GRID2: variants seen among roughly 807,000 people sequenced by gnomAD.
GRID2 encodes the protein glutamate ionotropic receptor delta type subunit 2, also known as glutamate receptor ionotropic, delta-2.
In GRID2, 33 loss-of-function variants were observed where a neutral mutation model predicts 114.8. The ratio of observed to expected loss-of-function variants is 0.29; its 90% confidence interval spans 0.22 to 0.38. The LOEUF (loss-of-function observed/expected upper bound fraction) is 0.38. Among genes scored for constraint, GRID2 ranks in the 10% least tolerant of loss-of-function variants. GRID2 has a pLI of 1.00. For synonymous variants in GRID2, 505 were observed against 449.9 expected, an observed-to-expected ratio of 1.12 and a Z score of -1.55; for missense variants, 1,184 against 1,257.7, an observed-to-expected ratio of 0.94 and a Z score of 0.89.
chr4:93,196,745 C>CT (rs1741535237), intron 4 of GRID2, among the ~76,000 whole-genome samples: 1 of 152,148 alleles, frequency 6.6e-6, no homozygotes, highest in South Asian at 2.1e-4. Flanking sequence ...GGCACAGTAT[C>CT]TAAGAATCGT....
At chr4:93,634,011 A>G (rs1189179803) in intron 14 of GRID2, among the ~76,000 whole-genome samples, 2 of 152,142 alleles carry the variant, frequency 1.3e-5, no homozygotes, top group Non-Finnish European at 2.9e-5. Context: ...AAGGTACATA[A>G]AACCAGAAGT....
intron 13 of GRID2, among the ~76,000 whole-genome samples, chr4:93,533,859 G>A (rs1007028944): frequency 2.6e-5 from 4 of 151,928 alleles, no homozygotes; most frequent in African/African-American, 4.8e-5. Flanking sequence ...CAATATAAGC[G>A]AACAGGTCAT....
chr4:92,785,882 A>C (rs536164292), intron 2 of GRID2, among the ~76,000 whole-genome samples: 2 of 152,010 alleles, frequency 1.3e-5, no homozygotes, highest in Admixed American at 1.3e-4. Flanking sequence ...TGACATTTCA[A>C]TACCTGATCA....
intron 13 of GRID2, among the ~76,000 whole-genome samples, chr4:93,592,717 CT>C (rs1738524458): frequency 6.6e-6 from 1 of 152,096 alleles, no homozygotes; most frequent in South Asian, 2.1e-4. Context: ...TCACTCAGGA[CT>C]TGCTTTATGA....
At chr4:93,010,308 T>G (rs1390623180) in intron 2 of GRID2, among the ~76,000 whole-genome samples, 2 of 152,190 alleles carry the variant, frequency 1.3e-5, no homozygotes, top group South Asian at 2.1e-4. Flanking sequence ...TTGAGAGAGA[T>G]GTGTGTATAC....
intron 14 of GRID2, among the ~76,000 whole-genome samples, chr4:93,682,207 A>T (rs1237190885): frequency 4.0e-5 from 6 of 148,848 alleles, no homozygotes; most frequent in African/African-American, 1.5e-4. Context: ...CCATCAGAGA[A>T]ATGCAAATCA....
At chr4:92,610,048 T>C (rs1729645324) in intron 2 of GRID2, among the ~76,000 whole-genome samples, 1 of 151,592 alleles carries the variant, frequency 6.6e-6, no homozygotes. Flanking sequence ...TTTAGCTGGG[T>C]TTATGGTCCC....
chr4:92,766,898 T>C (rs1738296267), intron 2 of GRID2, among the ~76,000 whole-genome samples: 1 of 152,216 alleles, frequency 6.6e-6, no homozygotes, highest in African/African-American at 2.4e-5. Flanking sequence ...TGGATTTGTA[T>C]CTCAGCTCTG....
At chr4:92,494,743 T>TC (rs1723307323) in intron 1 of GRID2, among the ~76,000 whole-genome samples, 1 of 152,058 alleles carries the variant, frequency 6.6e-6, no homozygotes, top group African/African-American at 2.4e-5. Context: ...TTTCATTTTT[T>TC]CATTGTATCA....
chr4:92,732,623 T>G (rs1256372901), intron 2 of GRID2, among the ~76,000 whole-genome samples: 1 of 152,050 alleles, frequency 6.6e-6, no homozygotes, highest in Non-Finnish European at 1.5e-5. Context: ...GAGTTACATA[T>G]GACTGCTCAG....
chr4:92,324,462 G>A (rs1421217243), intron 1 of GRID2, among the ~76,000 whole-genome samples: 3 of 151,850 alleles, frequency 2.0e-5, no homozygotes, highest in Non-Finnish European at 4.4e-5. Context: ...ATTTTGTGTT[G>A]TAATCCTCTT....
chr4:92,520,238 T>A (rs574885030), intron 1 of GRID2, among the ~76,000 whole-genome samples: 1 of 152,000 alleles, frequency 6.6e-6, no homozygotes, highest in African/African-American at 2.4e-5. Flanking sequence ...TGATTAATGT[T>A]TACTCTTCTT....
At chr4:93,708,552 TA>T (rs1728203985) in intron 14 of GRID2, among the ~76,000 whole-genome samples, 1 of 152,050 alleles carries the variant, frequency 6.6e-6, no homozygotes. Context: ...GCAGTCTATG[TA>T]TCTCTATAGG....
chr4:93,418,809 T>C (rs962376280), intron 9 of GRID2, among the ~76,000 whole-genome samples: 3 of 152,044 alleles, frequency 2.0e-5, no homozygotes, highest in African/African-American at 7.2e-5. Flanking sequence ...CTAGAGAGGA[T>C]TGTGTTTTTC....
At chr4:92,436,906 T>C (rs1732761477) in intron 1 of GRID2, among the ~76,000 whole-genome samples, 1 of 152,174 alleles carries the variant, frequency 6.6e-6, no homozygotes, top group African/African-American at 2.4e-5. Context: ...GTTTATCATA[T>C]GAAATAATAG....
chr4:92,503,073 A>G (rs1007169679), intron 1 of GRID2, among the ~76,000 whole-genome samples: 1 of 152,046 alleles, frequency 6.6e-6, no homozygotes, highest in East Asian at 1.9e-4. Flanking sequence ...AGTTCCTTGA[A>G]ATGTGGATAC....
chr4:93,708,613 T>C (rs551873826), intron 14 of GRID2, among the ~76,000 whole-genome samples: 1 of 152,124 alleles, frequency 6.6e-6, no homozygotes, highest in East Asian at 1.9e-4. Flanking sequence ...GTTTTTTTAA[T>C]CTATTTATCC....
intron 4 of GRID2, among the ~76,000 whole-genome samples, chr4:93,199,223 A>G (rs1155646): frequency 0.53 from 80,650 of 152,012 alleles, 22,184 homozygotes; most frequent in Admixed American, 0.67. Context: ...CTCACAGAGA[A>G]TTAAAGACAG....
At chr4:92,786,868 A>G (rs1739348994) in intron 2 of GRID2, among the ~76,000 whole-genome samples, 1 of 151,948 alleles carries the variant, frequency 6.6e-6, no homozygotes, top group Non-Finnish European at 1.5e-5. Context: ...GCTCAATTAA[A>G]TAGATTTTAA....
Sources: allele counts gnomAD v4.1 joint callset (sites outside exome capture counted in the v4.1 genomes callset), GRCh38; gene constraint gnomAD v4.1.1; transcripts MANE v1.5; gene names NCBI Gene and HGNC (gene_info 2026-07-23, HGNC 2026-07-21).